Variants in CNTN5 observed in about 807,000 individuals in gnomAD.
The protein encoded by CNTN5 is contactin 5.
A neutral mutation model predicts 129.1 loss-of-function variants in CNTN5; 77 were observed. The observed-to-expected ratio is 0.60, with a 90% confidence interval of 0.50 to 0.72. The LOEUF is 0.72. Among genes scored for constraint, CNTN5 ranks in the 30% least tolerant of loss-of-function variants. The pLI is 0.00. For synonymous variants in CNTN5, 509 were observed against 465.6 expected (o/e 1.09, Z -1.20); for missense variants, 1,478 against 1,328.8 (o/e 1.11, Z -1.75).
At chr11:100,200,906 G>A (rs1028251124) in intron 15 of CNTN5, among the ~76,000 whole-genome samples, 1 of 151,824 alleles carries the variant, frequency 6.6e-6, no homozygotes, top group African/African-American at 2.4e-5. Flanking sequence ...TCTTTCTGAG[G>A]TTTTGTGTTT....
chr11:100,104,147 T>C lies in CNTN5; in HGVS notation c.1580+29853T>C, dbSNP rs550551408. Among the ~76,000 whole-genome samples the C allele has an allele frequency of 4.9e-4, 73 of 148,840 alleles. 1 individual carries two copies. Among genetic ancestry groups the C allele is most frequent in the African/African-American group, 1.5e-3 (62 of 40,482 alleles). On this transcript the variant is annotated intron_variant, in intron 13 of 24. Coordinates refer to ENST00000524871, the MANE Select transcript of CNTN5 (RefSeq NM_014361.4). ...TCTTTCTCTGTCACCCAAGCTGGAA[T>C]GCAGTAGTGAGATCTCCGCTCACTG...
intron 13 of CNTN5, among the ~76,000 whole-genome samples, chr11:100,149,834 CAGTGAGCCGAGCTTGT>C (rs1479505044): frequency 6.9e-6 from 1 of 145,298 alleles, no homozygotes; most frequent in Admixed American, 7.1e-5. Flanking sequence ...GTGGAGCTTG[CAGTGAGCCGAGCTTGT>C]GCCACTGCAT....
intron 2 of CNTN5, among the ~76,000 whole-genome samples, chr11:99,510,013 T>A (rs1946775681): frequency 1.3e-5 from 2 of 151,502 alleles, no homozygotes. Flanking sequence ...AAAAAAAATG[T>A]AAATGAAAAT....
chr11:99,701,493 T>C (rs1165675008), intron 3 of CNTN5, among the ~76,000 whole-genome samples: 1 of 151,130 alleles, frequency 6.6e-6, no homozygotes, highest in Admixed American at 6.6e-5. Flanking sequence ...TTCAAAGTGA[T>C]ATAAATATTA....
chr11:99,671,055 G>T (rs1374646885), intron 3 of CNTN5, among the ~76,000 whole-genome samples: 8 of 151,712 alleles, frequency 5.3e-5, no homozygotes, highest in African/African-American at 1.5e-4. Flanking sequence ...ACGTGTGCTT[G>T]CGCTTGCACG....
chr11:99,998,230 C>A (rs571504726), intron 8 of CNTN5, among the ~76,000 whole-genome samples: 2 of 151,990 alleles, frequency 1.3e-5, no homozygotes, highest in African/African-American at 4.8e-5. Flanking sequence ...TGTTTGCAGA[C>A]GACATGATTG....
chr11:99,360,671 C>T (rs567679553), intron 2 of CNTN5, among the ~76,000 whole-genome samples: 9 of 152,186 alleles, frequency 5.9e-5, no homozygotes, highest in African/African-American at 1.7e-4. Context: ...GTGGCAGCTC[C>T]GATGCTCTCC....
intron 2 of CNTN5, among the ~76,000 whole-genome samples, chr11:99,532,222 C>G (rs1240477495): frequency 6.6e-6 from 1 of 152,120 alleles, no homozygotes; most frequent in Non-Finnish European, 1.5e-5. Flanking sequence ...ATCAATTTGA[C>G]TGCCCCGCTG....
intron 3 of CNTN5, among the ~76,000 whole-genome samples, chr11:99,778,129 G>A (rs1033224143): frequency 2.0e-5 from 3 of 151,630 alleles, no homozygotes; most frequent in Non-Finnish European, 4.4e-5. Context: ...TAGTGTTTAA[G>A]CCTTGTTCTC....
Position 99,128,153 on chromosome 11 carries a change from C to T in CNTN5, c.-210+106883C>T, listed in dbSNP as rs564225726. Among the ~76,000 whole-genome samples, 7 of 152,214 alleles carry T rather than the reference C, an allele frequency of 4.6e-5. No individual in the cohort carries two copies. The East Asian group carries it at 1.4e-3, about 29-fold the overall frequency. Reference sequence around the variant, plus strand: ...GCCAAACATCCTCACTCAGAGGGTCCCACGCCCACAGAACCCCACAAGCTG... The same window carrying T: ...GCCAAACATCCTCACTCAGAGGGTCTCACGCCCACAGAACCCCACAAGCTG... On this transcript the variant is annotated intron_variant, in intron 1 of 24. Coordinates refer to ENST00000524871, the MANE Select transcript of CNTN5 (RefSeq NM_014361.4).
Position 99,929,538 on chromosome 11 carries a change from G to A in CNTN5, c.673+13389G>A, listed in dbSNP as rs138598637. ...GTTCTGCAGGGCTGGGGAGGCCTCC[G>A]GAAACTTACAGTCATGGTGGAAGGG... On this transcript the variant is annotated intron_variant, in intron 7 of 24. Coordinates refer to ENST00000524871, the MANE Select transcript of CNTN5 (RefSeq NM_014361.4). Among the ~76,000 whole-genome samples the A allele has an allele frequency of 9.1e-4, 139 of 152,184 alleles. 1 individual carries two copies. The East Asian group carries it at 0.019, about 21-fold the overall frequency.
At chr11:99,263,313 T>C (rs1311933845) in intron 1 of CNTN5, among the ~76,000 whole-genome samples, 1 of 152,142 alleles carries the variant, frequency 6.6e-6, no homozygotes, top group Non-Finnish European at 1.5e-5. Context: ...AGTTCCATTA[T>C]GTTCAGTGAT....
intron 3 of CNTN5, among the ~76,000 whole-genome samples, chr11:99,723,688 T>C (rs1195467559): frequency 6.6e-6 from 1 of 152,126 alleles, no homozygotes; most frequent in Non-Finnish European, 1.5e-5. Flanking sequence ...TTATTTTCTA[T>C]TTTGTTATTT....
chr11:99,942,580 G>C (rs1365570748), intron 7 of CNTN5, among the ~76,000 whole-genome samples: 2 of 151,976 alleles, frequency 1.3e-5, no homozygotes, highest in Non-Finnish European at 2.9e-5. Flanking sequence ...TGTTACATAG[G>C]TAATGTGCCA....
At chr11:99,135,272 A>C (rs1859161364) in intron 1 of CNTN5, among the ~76,000 whole-genome samples, 1 of 152,204 alleles carries the variant, frequency 6.6e-6, no homozygotes, top group South Asian at 2.1e-4. Context: ...AATAATTGAT[A>C]ATTGTAATAC....
chr11:99,684,501 A>G (rs1411150855), intron 3 of CNTN5, among the ~76,000 whole-genome samples: 1 of 151,874 alleles, frequency 6.6e-6, no homozygotes, highest in Non-Finnish European at 1.5e-5. Context: ...TGCACTGGCT[A>G]GAACTGCCAT....
chr11:99,037,449 T>C (rs972658368), intron 1 of CNTN5, among the ~76,000 whole-genome samples: 30 of 152,122 alleles, frequency 2.0e-4, no homozygotes, highest in Non-Finnish European at 4.4e-5. Flanking sequence ...CAACAATGCA[T>C]ATATTTTAAA....
chr11:100,092,671 A>T (rs1944834201), intron 13 of CNTN5, among the ~76,000 whole-genome samples: 1 of 152,150 alleles, frequency 6.6e-6, no homozygotes, highest in Non-Finnish European at 1.5e-5. Flanking sequence ...TAAAGCTGTT[A>T]TATCTGTATA....
intron 2 of CNTN5, among the ~76,000 whole-genome samples, chr11:99,531,095 C>G (rs1947687381): frequency 6.6e-6 from 1 of 152,136 alleles, no homozygotes; most frequent in Admixed American, 6.5e-5. Flanking sequence ...TTCCTAGAGA[C>G]TTGTTGAATG....
Sources: allele counts gnomAD v4.1 joint callset (sites outside exome capture counted in the v4.1 genomes callset), GRCh38; gene constraint gnomAD v4.1.1; transcripts MANE v1.5; gene names NCBI Gene and HGNC (gene_info 2026-07-23, HGNC 2026-07-21).